Variants in CHID1 observed in about 807,000 individuals in gnomAD.
The protein encoded by CHID1 is chitinase domain containing 1.
In CHID1, 44 loss-of-function variants were observed where a neutral mutation model predicts 55.4. The observed-to-expected ratio is 0.79, with a 90% confidence interval of 0.62 to 1.02. The LOEUF (loss-of-function observed/expected upper bound fraction) is 1.02, where lower values mean the gene tolerates loss of function less well. CHID1 is among the 50% of genes least tolerant of loss of function. CHID1 has a pLI of 0.00. For synonymous variants in CHID1, 216 were observed against 212.9 expected, an observed-to-expected ratio of 1.01 and a Z score of -0.13; for missense variants, 491 against 515.3, an observed-to-expected ratio of 0.95 and a Z score of 0.46.
At chr11:914,557 C>G (rs1589926550), upstream of CHID1, 1 of 1,289,400 alleles carries the variant, frequency 7.8e-7, no homozygotes, top group Admixed American at 2.3e-5. Context: ...CTGAGGATGC[C>G]TCTCACAGAC....
At position 884,132 on chromosome 11, in the gene CHID1, C is replaced by A; in HGVS notation, c.739G>T (p.Glu247Ter). The A allele has an allele frequency of 6.2e-7, 1 of 1,614,170 alleles. No homozygotes were observed. The highest frequency in any genetic ancestry group is 8.5e-7 in the Non-Finnish European group (1 of 1,180,018). Reference sequence around the variant, plus strand: ...CCATCCAGCACGGGGGCCAGCTGCTCAAACTCCTTGTGCGTGAACATGCCC... The same window carrying A: ...CCATCCAGCACGGGGGCCAGCTGCTAAAACTCCTTGTGCGTGAACATGCCC... ...QLGMFTHKEF[E>*]QLAPVLDGFS... Residue 247 changes from glutamate to a stop codon, truncating the protein, a stop_gained, in exon 9 of 13, where the codon GAG (glutamate) becomes TAG (stop). Transcript: ENST00000323578. LOFTEE classifies it high-confidence loss of function.
chr11:899,968 C>T, intron 6 of CHID1, 36 bp downstream of exon 6: 1 of 1,521,972 alleles, frequency 6.6e-7, no homozygotes, highest in Non-Finnish European at 9.1e-7. Context: ...ACCCGGGGGG[C>T]TGTGCTCAGA....
upstream of CHID1, chr11:910,955 CCGGGGCCGGGG>C (rs1298407000): frequency 7.0e-6 from 3 of 427,862 alleles, no homozygotes; most frequent in Admixed American, 6.6e-5. Context: ...GGGGCCGGGG[CCGGGGCCGGGG>C]CGGGGCCGCG....
At position 875,933 on chromosome 11, in the gene CHID1, A is replaced by G. The variant is rs1322494646; in HGVS notation, c.960-5434T>C. ...GGAGGAGCGAGGAGGCTGGGACTGG[A>G]TGACTGGCTGGTGTGGGTGGCAGGC... On this transcript the variant is annotated intron_variant, in intron 10 of 12. Transcript: ENST00000323578. This position sits in a 1 kb window ranked among gnomAD's most constrained non-coding sequence, Gnocchi z 4.7. Among the ~76,000 whole-genome samples the G allele has an allele frequency of 6.6e-6, 1 of 152,112 alleles. No individual in the cohort carries two copies. Among genetic ancestry groups the G allele is most frequent in the Non-Finnish European group, 1.5e-5 (1 of 68,026 alleles).
chr11:870,248 C>T (rs1849074910), intron 11 of CHID1, 85 bp from the exon 12 acceptor site: 10 of 1,568,742 alleles, frequency 6.4e-6, no homozygotes, highest in Non-Finnish European at 8.8e-6. Flanking sequence ...GGCCTGTACT[C>T]CTCCCACCCA....
At chr11:913,288 T>G (rs1455395947), upstream of CHID1, among the ~76,000 whole-genome samples, 2 of 152,114 alleles carry the variant, frequency 1.3e-5, no homozygotes, top group African/African-American at 4.8e-5. Context: ...AATGCTGGGA[T>G]TATAGACATA....
intron 8 of CHID1, among the ~76,000 whole-genome samples, chr11:890,470 T>C (rs1850721969): frequency 6.6e-6 from 1 of 152,136 alleles, no homozygotes; most frequent in South Asian, 2.1e-4. Flanking sequence ...CCCGCCCACC[T>C]CAGAGTGGAC....
At chr11:876,210 G>T (rs1224870708) in intron 10 of CHID1, among the ~76,000 whole-genome samples, 1 of 152,184 alleles carries the variant, frequency 6.6e-6, no homozygotes, top group African/African-American at 2.4e-5. Context: ...CCAGCTTCTA[G>T]AACAGATAGG....
chr11:882,341 C>T (rs572485958), intron 10 of CHID1: 86 of 152,316 alleles, frequency 5.6e-4, no homozygotes, highest in African/African-American at 2.0e-3. Flanking sequence ...AAAAGAATTC[C>T]AAAAGGTAAA....
At chr11:873,309 G>A (rs960410141) in intron 10 of CHID1, among the ~76,000 whole-genome samples, 3 of 152,128 alleles carry the variant, frequency 2.0e-5, no homozygotes, top group African/African-American at 7.2e-5. Context: ...TCCTTGGGGG[G>A]CCTGAGTGGC....
In CHID1 at chr11:895,043, G is replaced by A. The variant is rs1025486653; in HGVS notation, c.609-1524C>T. On this transcript the variant is annotated intron_variant, in intron 7 of 12. Coordinates refer to ENST00000323578, the MANE Select transcript of CHID1 (RefSeq NM_023947.4). ...TCTGCAGCTGTGTCCACAACTCTAT[G>A]GGTACCAGAGGCTGTCACACACTGT... 2.6e-5 allele frequency among the ~76,000 whole-genome samples: 4 copies of A among 152,192 alleles called. No homozygotes were observed. The East Asian group carries it at 7.7e-4, about 29-fold the overall frequency.
chr11:913,857 G>C (rs932647360), upstream of CHID1, among the ~76,000 whole-genome samples: 15 of 151,980 alleles, frequency 9.9e-5, no homozygotes, highest in Admixed American at 9.2e-4. Flanking sequence ...TTGAGCCCAG[G>C]AGTTTGAAAC....
rs770904881 is a variant in CHID1 at position 903,064 on chromosome 11, C to T, written c.159G>A (p.Thr53=). 14 of 1,613,432 alleles carry T rather than the reference C, an allele frequency of 8.7e-6. No homozygotes were observed. Among genetic ancestry groups the T allele is most frequent in the Admixed American group, 6.7e-5 (4 of 60,014 alleles). Residue 53 remains threonine, a synonymous_variant, in exon 3 of 13, where the codon ACG becomes ACA. Coordinates refer to ENST00000323578, the MANE Select transcript of CHID1 (RefSeq NM_023947.4). ...KPVQDRGLVV[T]DLKAESVVLE... Reference sequence around the variant, plus strand: ...GAACCACACTCTCAGCTTTGAGGTCCGTCACCACCAAACCCCGGTCTTGCA... The same window carrying T: ...GAACCACACTCTCAGCTTTGAGGTCTGTCACCACCAAACCCCGGTCTTGCA...
At chr11:874,650 C>T (rs1305502256) in intron 10 of CHID1, 1 of 152,194 alleles carries the variant, frequency 6.6e-6, no homozygotes, top group Non-Finnish European at 1.5e-5. Context: ...AGATGGGGGT[C>T]TTGCTCTGTG....
At chr11:877,055 C>A (rs1262341972) in intron 10 of CHID1, among the ~76,000 whole-genome samples, 1 of 152,188 alleles carries the variant, frequency 6.6e-6, no homozygotes, top group Non-Finnish European at 1.5e-5. Context: ...GATGAGGGGA[C>A]TTCTCAGCTG....
chr11:905,828 T>C (rs1187431874), intron 1 of CHID1, among the ~76,000 whole-genome samples: 1 of 152,064 alleles, frequency 6.6e-6, no homozygotes, highest in Non-Finnish European at 1.5e-5. Flanking sequence ...TGGGAGAGAT[T>C]AGGAAAGAAA....
Position 904,747 on chromosome 11 carries a change from A to G in CHID1, c.70T>C (p.Ser24Pro). ...TTTGAGGCGGCTTTTTTGGCATCTG[A>G]CTTTGACAGGGTAGTGTGAACAGGG... is the stretch of plus-strand genomic sequence containing the variant. Reference protein sequence around the residue: ...CSPVHTTLSKSDAKKAASKTL... With the variant: ...CSPVHTTLSKPDAKKAASKTL... The change falls in exon 2 of 13, where the codon TCA (serine) becomes CCA (proline). Residue 24 changes from serine (S) to proline (P), a missense_variant. Physicochemically the swap from Ser to Pro is moderately conservative, Grantham distance 74. Transcript: ENST00000323578. 4.3e-6 allele frequency: 7 copies of G among 1,614,080 alleles called. No homozygotes were observed. Among genetic ancestry groups the G allele is most frequent in the Non-Finnish European group, 5.9e-6 (7 of 1,180,010 alleles).
At chr11:895,744 C>T (rs9704267) in intron 7 of CHID1, among the ~76,000 whole-genome samples, 3 of 151,992 alleles carry the variant, frequency 2.0e-5, no homozygotes, top group Non-Finnish European at 2.9e-5. Flanking sequence ...TGGCACAATG[C>T]GGGCTGGGGT....
rs1371408957 is a variant in CHID1, at chr11:868,044, G to A, written c.*1814C>T. The A allele has an allele frequency of 6.6e-6, 1 of 151,772 alleles. No homozygotes were observed. The highest frequency in any genetic ancestry group is 6.6e-5 in the Admixed American group (1 of 15,216). 9.4% of individuals were successfully genotyped at this position (151,772 alleles called of 1,614,324 possible). ...CCCCACCCTCTGCCCATCCCCCCGG[G>A]AGACACAGCCCGCTCTAGACATCCC... On this transcript the variant is annotated 3_prime_UTR_variant, in exon 13 of 13. Coordinates refer to ENST00000323578, the MANE Select transcript of CHID1 (RefSeq NM_023947.4).
Sources: allele counts gnomAD v4.1 joint callset (sites outside exome capture counted in the v4.1 genomes callset), GRCh38; gene constraint gnomAD v4.1.1; non-coding constraint Gnocchi (gnomAD v3.1); transcripts MANE v1.5; gene names NCBI Gene and HGNC (gene_info 2026-07-23, HGNC 2026-07-21).